THRAP3: variants seen among roughly 807,000 people sequenced by gnomAD.
The protein encoded by THRAP3 is thyroid hormone receptor-associated protein 3.
In THRAP3, 16 loss-of-function variants were observed where a neutral mutation model predicts 101.0. The ratio of observed to expected loss-of-function variants is 0.16; its 90% CI spans 0.11 to 0.24. THRAP3 has a LOEUF of 0.24. Ranked by LOEUF, THRAP3 falls within the 10% of genes least tolerant of loss-of-function variation. The pLI is 1.00. For synonymous variants in THRAP3, 407 were observed against 422.6 expected (o/e 0.96, Z 0.45); for missense variants, 989 against 1,202.7 (o/e 0.82, Z 2.63).
chr1:36,296,387 G>A (rs535206031), intron 8 of THRAP3, among the ~76,000 whole-genome samples, 196 bp from the exon 9 acceptor site: 10 of 152,256 alleles, frequency 6.6e-5, no homozygotes, highest in South Asian at 4.2e-4. Context: ...GAGGACTGGC[G>A]TGGGTTCTGT....
intron 2 of THRAP3, among the ~76,000 whole-genome samples, chr1:36,270,585 T>TTTTTTG (rs1645578280): frequency 1.3e-5 from 2 of 148,266 alleles, no homozygotes; most frequent in African/African-American, 5.1e-5. Flanking sequence ...TTGTTTTTTT[T>TTTTTTG]TTTTTTTTTG....
the THRAP3 span, among the ~76,000 whole-genome samples, chr1:36,212,266 G>A: frequency 2.0e-5 from 3 of 152,104 alleles, no homozygotes; most frequent in Non-Finnish European, 4.4e-5. Context: ...CACGGTCTCA[G>A]GCTAATGCTC....
At chr1:36,293,488 A>C (rs2995223) in intron 7 of THRAP3, among the ~76,000 whole-genome samples, 149,130 of 152,262 alleles carry the variant, frequency 0.98, 73,100 homozygotes, top group Middle Eastern at 1. Context: ...AAAGACTATT[A>C]CATTTGGTTG....
intron 1 of THRAP3, among the ~76,000 whole-genome samples, chr1:36,256,213 A>ATTG (rs869219641): frequency 2.3e-5 from 3 of 129,060 alleles, no homozygotes; most frequent in Non-Finnish European, 3.5e-5. Flanking sequence ...TATTATTGTT[A>ATTG]TTATTGTTAT....
intron 4 of THRAP3, chr1:36,287,606 C>T: frequency 1.0e-6 from 1 of 985,378 alleles, no homozygotes; most frequent in Non-Finnish European, 1.2e-6. Context: ...TGGTCTTTGC[C>T]AAAATGAATG....
At chr1:36,257,143 C>T (rs989772065) in intron 1 of THRAP3, among the ~76,000 whole-genome samples, 2 of 152,134 alleles carry the variant, frequency 1.3e-5, no homozygotes, top group African/African-American at 4.8e-5. Context: ...GACAGTCAGG[C>T]ATGTTTCCTC....
upstream of THRAP3, among the ~76,000 whole-genome samples, chr1:36,219,850 TTC>T (rs1557797359): frequency 6.6e-6 from 1 of 152,168 alleles, no homozygotes. Flanking sequence ...GACAGACTGA[TTC>T]TCTTTTTTCA....
chr1:36,249,760 G>A (rs959407248), intron 1 of THRAP3, among the ~76,000 whole-genome samples: 9 of 150,714 alleles, frequency 6.0e-5, no homozygotes, highest in African/African-American at 2.2e-4. Flanking sequence ...GTGAGAGGAG[G>A]CTATTCAAGG....
chr1:36,292,758 C>G, intron 7 of THRAP3, 49 bp downstream of exon 7: 2 of 1,420,706 alleles, frequency 1.4e-6, no homozygotes, highest in Non-Finnish European at 9.7e-7. Context: ...GACTTTGTAT[C>G]AGACATTAAA....
At chr1:36,211,989 C>T in the THRAP3 span, among the ~76,000 whole-genome samples, 2 of 152,190 alleles carry the variant, frequency 1.3e-5, no homozygotes, top group Non-Finnish European at 1.5e-5. Context: ...AGAAATCCAA[C>T]CCCAACCAAC....
chr1:36,263,105 C>T (rs1272008992), intron 2 of THRAP3, among the ~76,000 whole-genome samples: 4 of 147,414 alleles, frequency 2.7e-5, no homozygotes, highest in South Asian at 2.2e-4. Context: ...CCACTGCACC[C>T]GGCCTATTTT....
At chr1:36,255,015 A>G (rs1029480641) in intron 1 of THRAP3, among the ~76,000 whole-genome samples, 4 of 152,184 alleles carry the variant, frequency 2.6e-5, no homozygotes, top group Admixed American at 2.0e-4. Context: ...ACCTACTTGG[A>G]GCAGACATTG....
intron 8 of THRAP3, among the ~76,000 whole-genome samples, chr1:36,294,651 G>T (rs998435410): frequency 8.5e-5 from 13 of 152,138 alleles, no homozygotes; most frequent in African/African-American, 3.1e-4. Flanking sequence ...TACTTGTTTT[G>T]TTGGTTGAAT....
chr1:36,243,366 C>G (rs1198825457), intron 1 of THRAP3, among the ~76,000 whole-genome samples: 1 of 151,624 alleles, frequency 6.6e-6, no homozygotes, highest in Admixed American at 6.6e-5. Flanking sequence ...GTTTGTGTCC[C>G]TGGGTACTTG....
At chr1:36,278,686 G>A (rs925314858) in intron 2 of THRAP3, among the ~76,000 whole-genome samples, 3 of 152,166 alleles carry the variant, frequency 2.0e-5, no homozygotes, top group African/African-American at 7.2e-5. Context: ...CACTTTGGGA[G>A]GCCGAGGTGG....
rs1278523885 is a variant in THRAP3, at chr1:36,301,605, A to G, written c.2555A>G (p.Asn852Ser). ...GGCAGAGGCAACTACTCTGGGAACA[A>G]TAACAACAACAGCAACAACGATTTT... ...GWGRGNYSGNNNNNSNNDFQK... is the reference protein window; with the variant it reads ...GWGRGNYSGNSNNNSNNDFQK... Residue 852 changes from asparagine to serine, a missense_variant, in exon 11 of 12, where the codon AAT becomes AGT. Physicochemically the swap from Asn to Ser is conservative, Grantham distance 46. Coordinates refer to ENST00000354618, the MANE Select transcript of THRAP3 (RefSeq NM_005119.4). The G allele has an allele frequency of 7.4e-6, 12 of 1,614,240 alleles. No homozygotes were observed. The highest frequency in any genetic ancestry group is 1.1e-5 in the South Asian group (1 of 91,090).
chr1:36,215,224 A>G, the THRAP3 span, among the ~76,000 whole-genome samples: 1 of 152,198 alleles, frequency 6.6e-6, no homozygotes, highest in Non-Finnish European at 1.5e-5. Flanking sequence ...ACTCAAAAAA[A>G]AACAAAAACA....
At chr1:36,291,309 T>C in intron 5 of THRAP3, 65 bp from the exon 6 acceptor site, 1 of 1,486,416 alleles carries the variant, frequency 6.7e-7, no homozygotes, top group Non-Finnish European at 9.1e-7. Flanking sequence ...AAAAGTATTT[T>C]TATGGTTTTA....
upstream of THRAP3, among the ~76,000 whole-genome samples, chr1:36,220,262 G>A (rs1234729809): frequency 1.3e-5 from 2 of 152,138 alleles, no homozygotes; most frequent in Non-Finnish European, 2.9e-5. Flanking sequence ...CAAAATGTTG[G>A]GATTACAGGT....
Sources: allele counts gnomAD v4.1 joint callset (sites outside exome capture counted in the v4.1 genomes callset), GRCh38; gene constraint gnomAD v4.1.1; transcripts MANE v1.5; gene names NCBI Gene and HGNC (gene_info 2026-07-23, HGNC 2026-07-21).